CFAP77: variants seen among roughly 807,000 people sequenced by gnomAD.
The protein encoded by CFAP77 is cilia and flagella associated protein 77.
A neutral mutation model predicts 31.1 loss-of-function variants in CFAP77; 25 were observed. The ratio of observed to expected loss-of-function variants is 0.80; its 90% CI spans 0.59 to 1.12. CFAP77 has a LOEUF of 1.12. Among genes scored for constraint, CFAP77 ranks in the 50% most tolerant of loss-of-function variants. The pLI is 0.00. For synonymous variants in CFAP77, 151 were observed against 159.9 expected (o/e 0.94, Z 0.42); for missense variants, 377 against 397.3 (o/e 0.95, Z 0.44).
At chr9:132,457,739 C>T (rs1317126872) in intron 1 of CFAP77, among the ~76,000 whole-genome samples, 1 of 152,224 alleles carries the variant, frequency 6.6e-6, no homozygotes, top group South Asian at 2.1e-4. Context: ...AAGTCTCCTC[C>T]GGCAGTCGAA....
chr9:132,419,602 T>C (rs2131678655), intron 1 of CFAP77, among the ~76,000 whole-genome samples: 1 of 152,384 alleles, frequency 6.6e-6, no homozygotes. Context: ...TAAAATGCCA[T>C]CATAATATTC....
Position 132,461,531 on chromosome 9 carries a change from T to C in CFAP77, c.196-37164T>C, listed in dbSNP as rs569270723. 5.9e-5 allele frequency among the ~76,000 whole-genome samples: 9 copies of C among 152,318 alleles called. No individual in the cohort carries two copies. In the East Asian group the frequency reaches 1.5e-3, roughly 26 times the overall value. On this transcript the variant is annotated intron_variant, in intron 1 of 5. Transcript: ENST00000393216. ...GGCAGGCCCCAGCAGCAGAACAGCT[T>C]GATTCCTTGAGCCCAGGGAAGCTAT...
rs1829864342 is a variant in CFAP77, at chr9:132,564,801, G to A, written c.733-7587G>A. Among the ~76,000 whole-genome samples, 1 of 152,202 alleles carries A rather than the reference G, an allele frequency of 6.6e-6. No homozygotes were observed. The highest frequency in any genetic ancestry group is 1.5e-5 in the Non-Finnish European group (1 of 68,036). On this transcript the variant is annotated intron_variant, in intron 5 of 5. Transcript: ENST00000393216. This position sits in a 1 kb window ranked among gnomAD's most constrained non-coding sequence, Gnocchi z 4.6. Reference sequence around the variant, plus strand: ...GCAAGTGGATTGGAAAAGCACAGATGCTTTCAAATGAGTTAGAAAATGGGG... The same window carrying A: ...GCAAGTGGATTGGAAAAGCACAGATACTTTCAAATGAGTTAGAAAATGGGG...
intron 5 of CFAP77, among the ~76,000 whole-genome samples, chr9:132,568,959 G>A (rs778042942): frequency 7.2e-5 from 11 of 152,102 alleles, no homozygotes; most frequent in East Asian, 1.9e-4. Flanking sequence ...CTTGGCCTCC[G>A]AAAGTGCTTG....
intron 1 of CFAP77, among the ~76,000 whole-genome samples, chr9:132,488,731 G>T (rs528711763): frequency 6.6e-6 from 1 of 152,342 alleles, no homozygotes; most frequent in East Asian, 1.9e-4. Flanking sequence ...GCTTCCGGGC[G>T]CTGGGGCTGC....
At chr9:132,448,175 ATG>A (rs1850761071) in intron 1 of CFAP77, among the ~76,000 whole-genome samples, 2 of 148,950 alleles carry the variant, frequency 1.3e-5, no homozygotes, top group African/African-American at 5.1e-5. Context: ...ACACGCACAC[ATG>A]CACACACACA....
intron 5 of CFAP77, among the ~76,000 whole-genome samples, chr9:132,558,705 CAAAAT>C (rs1220711721): frequency 6.8e-6 from 1 of 147,592 alleles, no homozygotes; most frequent in African/African-American, 2.5e-5. Context: ...AACTCTGTCT[CAAAAT>C]AAATAAATAA....
At chr9:132,561,802 C>A (rs533390000) in intron 5 of CFAP77, among the ~76,000 whole-genome samples, 13 of 152,184 alleles carry the variant, frequency 8.5e-5, no homozygotes, top group East Asian at 1.9e-4. Flanking sequence ...CTGAACCCCC[C>A]ACCTGTGGCA....
At chr9:132,462,135 C>T (rs1040931398) in intron 1 of CFAP77, among the ~76,000 whole-genome samples, 3 of 152,108 alleles carry the variant, frequency 2.0e-5, no homozygotes, top group African/African-American at 7.2e-5. Flanking sequence ...GAGCTGGCTG[C>T]TTCAGTGCCT....
At chr9:132,489,299 G>C (rs549854707) in intron 1 of CFAP77, among the ~76,000 whole-genome samples, 2 of 152,144 alleles carry the variant, frequency 1.3e-5, no homozygotes, top group Non-Finnish European at 2.9e-5. Flanking sequence ...TTTGAGCCTC[G>C]ACTCCTTGCT....
At chr9:132,548,380 T>A (rs1353761144) in intron 5 of CFAP77, among the ~76,000 whole-genome samples, 1 of 152,208 alleles carries the variant, frequency 6.6e-6, no homozygotes, top group Non-Finnish European at 1.5e-5. Context: ...CCAGTAAGGC[T>A]ATTTTTTTAA....
intron 1 of CFAP77, among the ~76,000 whole-genome samples, chr9:132,471,028 T>C (rs1480468353): frequency 6.6e-6 from 1 of 152,210 alleles, no homozygotes; most frequent in East Asian, 1.9e-4. Context: ...TTATTTTTTT[T>C]CCTTATGCTT....
chr9:132,412,593 G>GT (rs993171476), intron 1 of CFAP77, among the ~76,000 whole-genome samples: 4 of 151,256 alleles, frequency 2.6e-5, no homozygotes, highest in Non-Finnish European at 5.9e-5. Flanking sequence ...TTTTTTTTGG[G>GT]TTTTTTTGTT....
At chr9:132,553,426 ACT>A (rs757242749) in intron 5 of CFAP77, among the ~76,000 whole-genome samples, 3 of 152,048 alleles carry the variant, frequency 2.0e-5, no homozygotes, top group East Asian at 1.9e-4. Context: ...ACTAAGTGAG[ACT>A]CTGTCTCTAC....
At chr9:132,533,359 TAC>T (rs1852490995) in intron 3 of CFAP77, among the ~76,000 whole-genome samples, 1 of 152,174 alleles carries the variant, frequency 6.6e-6, no homozygotes, top group Non-Finnish European at 1.5e-5. Context: ...TATCACAAAT[TAC>T]CATGAACTTG....
chr9:132,549,699 G>A (rs914441060), intron 5 of CFAP77, among the ~76,000 whole-genome samples: 3 of 152,116 alleles, frequency 2.0e-5, no homozygotes, highest in African/African-American at 7.2e-5. Flanking sequence ...TTAGCCAGGC[G>A]TGATGGCAGG....
intron 5 of CFAP77, among the ~76,000 whole-genome samples, chr9:132,548,969 TG>T (rs1331526809): frequency 1.3e-5 from 2 of 152,184 alleles, no homozygotes; most frequent in Non-Finnish European, 2.9e-5. Flanking sequence ...TCGGGTCTCC[TG>T]GGCCCCTGGC....
rs954482789 is a variant in CFAP77 at position 132,438,199 on chromosome 9, C to CAA, written c.195+27754_195+27755dup. ...CCTGGGAGACAGAGCGAGACGCCATCAAAAAAAAAAAAAAAAAAAAAAGAC... is the reference window on the plus strand; with the variant it reads ...CCTGGGAGACAGAGCGAGACGCCATCAAAAAAAAAAAAAAAAAAAAAAAAGAC... On this transcript the variant is annotated intron_variant, in intron 1 of 5. Transcript: ENST00000393216. Among the ~76,000 whole-genome samples, 356 of 47,688 alleles carry CAA rather than the reference C, an allele frequency of 7.5e-3. 11 individuals are homozygous for CAA. Among genetic ancestry groups the CAA allele is most frequent in the Non-Finnish European group, 8.4e-3 (197 of 23,422 alleles). The allele number at this position is 47,688 out of a possible 152,430, so 31.3% of individuals were successfully genotyped here.
At position 132,450,941 on chromosome 9, in the gene CFAP77, G is replaced by A. The variant is rs538202834; in HGVS notation, c.195+40475G>A. Among the ~76,000 whole-genome samples, 5 of 152,328 alleles carry A rather than the reference G, an allele frequency of 3.3e-5. No homozygotes were observed. In the East Asian group the frequency reaches 9.6e-4, roughly 29 times the overall value. On this transcript the variant is annotated intron_variant, in intron 1 of 5. Transcript: ENST00000393216. ...GACAGCCTGATTGAGTATGGAAGATGAGGAAGAGAAGCTAAGGATGGATGT... is the reference window on the plus strand; with the variant it reads ...GACAGCCTGATTGAGTATGGAAGATAAGGAAGAGAAGCTAAGGATGGATGT...
Sources: allele counts gnomAD v4.1 joint callset (sites outside exome capture counted in the v4.1 genomes callset), GRCh38; gene constraint gnomAD v4.1.1; non-coding constraint Gnocchi (gnomAD v3.1); transcripts MANE v1.5; gene names NCBI Gene and HGNC (gene_info 2026-07-23, HGNC 2026-07-21).